The following RGS8 variants were observed in gnomAD, a reference collection of about 807,000 sequenced individuals.
RGS8 encodes the protein regulator of G-protein signaling 8.
RGS8 carries 8 observed loss-of-function variants against 21.7 expected under a neutral mutation model. That is an observed-to-expected ratio of 0.37 (90% CI 0.22 to 0.66). RGS8 has a LOEUF of 0.66. Ranked by LOEUF, RGS8 falls within the 30% of genes least tolerant of loss-of-function variation. The pLI, the probability that RGS8 is intolerant of heterozygous loss-of-function variation, is 0.59. For synonymous variants in RGS8, 80 were observed against 83.6 expected (o/e 0.96, Z 0.24); for missense variants, 157 against 217.9 (o/e 0.72, Z 1.76).
the RGS8 span, among the ~76,000 whole-genome samples, chr1:182,728,339 C>T: frequency 1.3e-5 from 2 of 152,108 alleles, no homozygotes; most frequent in Non-Finnish European, 2.9e-5. Flanking sequence ...CTCCTGATAG[C>T]GTCAGAGTAC....
chr1:182,676,400 C>T (rs187752040), upstream of RGS8, among the ~76,000 whole-genome samples: 5 of 152,210 alleles, frequency 3.3e-5, no homozygotes, highest in African/African-American at 9.6e-5. Context: ...AAAGCTCTTC[C>T]GTAAATCTTT....
At chr1:182,741,966 G>A in the RGS8 span, among the ~76,000 whole-genome samples, 1 of 145,604 alleles carries the variant, frequency 6.9e-6, no homozygotes, top group East Asian at 2.1e-4. Context: ...CTGGGCGGAG[G>A]GGCTCCTCAC....
At chr1:182,720,958 CATATGTGTGTATATATACAT>C in the RGS8 span, among the ~76,000 whole-genome samples, 1 of 31,694 alleles carries the variant, frequency 3.2e-5, no homozygotes, top group Non-Finnish European at 7.4e-5. Context: ...TATATACATA[CATATGTGTGTATATATACAT>C]ATATACACAT....
chr1:182,661,628 C>T (rs1319114782), intron 5 of RGS8, among the ~76,000 whole-genome samples: 1 of 151,930 alleles, frequency 6.6e-6, no homozygotes, highest in East Asian at 1.9e-4. Flanking sequence ...ACTTAATGTT[C>T]CACTAAAAGC....
intron 3 of RGS8, among the ~76,000 whole-genome samples, chr1:182,667,455 G>T (rs887274743): frequency 6.6e-6 from 1 of 152,150 alleles, no homozygotes; most frequent in Admixed American, 6.6e-5. Context: ...AAAGCAGGGG[G>T]CCTCAAGGCA....
the RGS8 span, among the ~76,000 whole-genome samples, chr1:182,722,202 C>T: frequency 2.0e-5 from 3 of 146,870 alleles, no homozygotes; most frequent in Non-Finnish European, 4.5e-5. Flanking sequence ...TAATAAGTGT[C>T]CTGAAGAAAC....
At chr1:182,665,610 G>A (rs1007191553) in intron 5 of RGS8, among the ~76,000 whole-genome samples, 5 of 152,238 alleles carry the variant, frequency 3.3e-5, no homozygotes, top group African/African-American at 4.8e-5. Context: ...TTTGCGGGGA[G>A]GCCATTCAAT....
chr1:182,721,028 TGTGTATATATAC>T, the RGS8 span, among the ~76,000 whole-genome samples: 3 of 86,160 alleles, frequency 3.5e-5, 1 homozygote, highest in Non-Finnish European at 7.1e-5. Flanking sequence ...CATATATATG[TGTGTATATATAC>T]ATATACATAC....
At chr1:182,726,670 CA>C in the RGS8 span, among the ~76,000 whole-genome samples, 1,231 of 133,942 alleles carry the variant, frequency 9.2e-3, 13 homozygotes, top group African/African-American at 0.026. Flanking sequence ...GACTCTGTCT[CA>C]AAAAAAAAAA....
At chr1:182,741,349 G>C in the RGS8 span, among the ~76,000 whole-genome samples, 1 of 130,166 alleles carries the variant, frequency 7.7e-6, no homozygotes, top group Non-Finnish European at 1.6e-5. Context: ...GCGGCTGGCC[G>C]GGCGGGGGGG....
At chr1:182,685,268 G>A (rs555023220), upstream of RGS8, among the ~76,000 whole-genome samples, 5 of 152,326 alleles carry the variant, frequency 3.3e-5, no homozygotes, top group African/African-American at 1.2e-4. Flanking sequence ...GAAATGGGGA[G>A]AATGTGACGC....
At chr1:182,662,776 T>C (rs915361259) in intron 5 of RGS8, among the ~76,000 whole-genome samples, 2 of 152,216 alleles carry the variant, frequency 1.3e-5, no homozygotes, top group African/African-American at 4.8e-5. Context: ...GCTCAGAGGC[T>C]GCATTCTCCA....
the RGS8 span, among the ~76,000 whole-genome samples, chr1:182,750,763 TATCTA>T: frequency 3.4e-5 from 1 of 29,030 alleles, no homozygotes; most frequent in Admixed American, 3.0e-4. Flanking sequence ...GGAAGTTTAC[TATCTA>T]GACTCTAGAT....
the RGS8 span, among the ~76,000 whole-genome samples, chr1:182,725,785 C>CA: frequency 1.3e-5 from 2 of 152,220 alleles, no homozygotes; most frequent in African/African-American, 4.8e-5. Flanking sequence ...TGTCTGACGT[C>CA]ACGGCGTGTG....
chr1:182,670,606 C>T (rs565623246), intron 2 of RGS8, among the ~76,000 whole-genome samples: 104 of 152,274 alleles, frequency 6.8e-4, no homozygotes, highest in African/African-American at 2.5e-3. Flanking sequence ...ACATAGAACC[C>T]ATTTTAAAAG....
chr1:182,677,844 GA>G (rs1664415405), upstream of RGS8, among the ~76,000 whole-genome samples: 1 of 152,120 alleles, frequency 6.6e-6, no homozygotes, highest in African/African-American at 2.4e-5. Flanking sequence ...CTCCTCAAAT[GA>G]AATGGTATAG....
At chr1:182,676,130 C>T (rs925241575), upstream of RGS8, among the ~76,000 whole-genome samples, 1 of 152,168 alleles carries the variant, frequency 6.6e-6, no homozygotes, top group Non-Finnish European at 1.5e-5. Context: ...ATAGCCTGGT[C>T]AGGGCAGTGT....
At chr1:182,748,217 T>G in the RGS8 span, among the ~76,000 whole-genome samples, 1 of 152,240 alleles carries the variant, frequency 6.6e-6, no homozygotes, top group African/African-American at 2.4e-5. Flanking sequence ...TTATTCCTCT[T>G]GTCTAACCAT....
At chr1:182,672,913 A>G, upstream of RGS8, 1 of 1,498,418 alleles carries the variant, frequency 6.7e-7, no homozygotes, top group East Asian at 2.3e-5. Flanking sequence ...TGGTCCCTGA[A>G]CCAGCAGTGT....
Sources: allele counts gnomAD v4.1 joint callset (sites outside exome capture counted in the v4.1 genomes callset), GRCh38; gene constraint gnomAD v4.1.1; transcripts MANE v1.5; gene names NCBI Gene and HGNC (gene_info 2026-07-23, HGNC 2026-07-21).